PTPRG: variants seen among roughly 807,000 people sequenced by gnomAD.
The protein encoded by PTPRG is receptor-type tyrosine-protein phosphatase gamma.
A neutral mutation model predicts 165.3 loss-of-function variants in PTPRG; 102 were observed. The observed-to-expected ratio is 0.62, with a 90% CI of 0.53 to 0.73. The LOEUF is 0.73. PTPRG is among the 30% of genes least tolerant of loss of function. PTPRG has a pLI of 0.00. For missense variants in PTPRG, 1,866 were observed against 1,861.4 expected (o/e 1.00, Z -0.05); for synonymous variants, 675 against 669.5 (o/e 1.01, Z -0.13).
chr3:62,062,352 A>G (rs1388146733), intron 4 of PTPRG, among the ~76,000 whole-genome samples: 1 of 152,180 alleles, frequency 6.6e-6, no homozygotes, highest in African/African-American at 2.4e-5. Flanking sequence ...CTGTTGTTTG[A>G]TAAAGCAGGT....
Position 62,021,116 on chromosome 3 carries a change from G to T in PTPRG, c.519+17619G>T, listed in dbSNP as rs138001066. Among the ~76,000 whole-genome samples, 121 of 142,710 alleles carry T rather than the reference G, an allele frequency of 8.5e-4. No individual in the cohort carries two copies. The Middle Eastern group carries it at 0.056, about 67-fold the overall frequency. 93.6% of individuals were successfully genotyped at this position (142,710 alleles called of 152,430 possible). A position where few individuals can be genotyped will look rare whatever the true frequency, so the allele number is the denominator to read the frequency against. ...TCATCAGTAAAATGACTTTTAATAC[G>T]AATACCTGCGTGATAAGAGTTTTTG... On this transcript the variant is annotated intron_variant, in intron 4 of 29. Coordinates refer to ENST00000474889, the MANE Select transcript of PTPRG (RefSeq NM_002841.4).
chr3:61,908,411 C>CAAAAAA (rs776421819), intron 2 of PTPRG, among the ~76,000 whole-genome samples: 12 of 57,696 alleles, frequency 2.1e-4, no homozygotes, highest in East Asian at 1.2e-3. Flanking sequence ...GGCAACAGAG[C>CAAAAAA]AAAAAAAAAA....
intron 4 of PTPRG, among the ~76,000 whole-genome samples, chr3:62,043,693 G>GGTTT (rs1321175020): frequency 6.6e-6 from 1 of 152,144 alleles, no homozygotes; most frequent in South Asian, 2.1e-4. Flanking sequence ...GTGAATTTAA[G>GGTTT]GTTTGTTTGT....
In PTPRG at chr3:62,219,937, A is replaced by G. The variant is rs1026684368; in HGVS notation, c.2288+954A>G. ...ATGGTGGTAACTGGATAATGGAGAA[A>G]GCTTAAATCTGGAAAGGGGAGGGGC... is the stretch of plus-strand genomic sequence containing the variant. On this transcript the variant is annotated intron_variant, in intron 13 of 29. Transcript: ENST00000474889. The surrounding 1 kb of genome is among the most constrained non-coding windows in gnomAD (Gnocchi z 4.5). 6.6e-6 allele frequency among the ~76,000 whole-genome samples: 1 copy of G among 152,270 alleles called. No individual in the cohort carries two copies. The highest frequency in any genetic ancestry group is 2.4e-5 in the African/African-American group (1 of 41,468).
rs188821841 is a variant in PTPRG, at chr3:61,930,975, C to T, written c.191-58650C>T. Among the ~76,000 whole-genome samples the T allele has an allele frequency of 3.3e-5, 5 of 152,250 alleles. No homozygotes were observed. In the East Asian group the frequency reaches 9.7e-4, roughly 29 times the overall value. On this transcript the variant is annotated intron_variant, in intron 2 of 29. Coordinates refer to ENST00000474889, the MANE Select transcript of PTPRG (RefSeq NM_002841.4). ...CCAGCTACTCGGGAAGCAGAAGAAT[C>T]ACTTGAACCTGGGAGGCAGAGGTTG... is the stretch of plus-strand genomic sequence containing the variant.
At chr3:61,783,217 A>G (rs976280071) in intron 2 of PTPRG, among the ~76,000 whole-genome samples, 1 of 152,142 alleles carries the variant, frequency 6.6e-6, no homozygotes, top group Non-Finnish European at 1.5e-5. Flanking sequence ...GCATGTGCCT[A>G]TAGTCCTAGC....
At chr3:61,945,218 A>G (rs1400850211) in intron 2 of PTPRG, among the ~76,000 whole-genome samples, 1 of 152,162 alleles carries the variant, frequency 6.6e-6, no homozygotes, top group East Asian at 1.9e-4. Flanking sequence ...GAAATTTTGT[A>G]TGCTTTTGAC....
chr3:61,806,091 A>AT, intron 2 of PTPRG, among the ~76,000 whole-genome samples: 1 of 152,298 alleles, frequency 6.6e-6, no homozygotes, highest in South Asian at 2.1e-4. Context: ...TTTTTGTTGA[A>AT]TTGATAAGCA....
At chr3:61,562,435 C>G in intron 1 of PTPRG, 63 bp downstream of exon 1, 1 of 1,531,870 alleles carries the variant, frequency 6.5e-7, no homozygotes, top group South Asian at 1.1e-5. Context: ...GCGGAGTTGT[C>G]GCCTGGGCGC....
rs182699730 is a variant in PTPRG at position 61,707,385 on chromosome 3, A to T, written c.86-41493A>T. 6.8e-4 allele frequency among the ~76,000 whole-genome samples: 103 copies of T among 152,338 alleles called. 1 individual carries two copies. The highest frequency in any genetic ancestry group is 2.4e-3 in the African/African-American group (100 of 41,580). Reference sequence around the variant, plus strand: ...AAGTTCCAAGATCTGCCTGTTGGCCAGCTGGAGACCCAGGAGAGCCAATGG... The same window carrying T: ...AAGTTCCAAGATCTGCCTGTTGGCCTGCTGGAGACCCAGGAGAGCCAATGG... On this transcript the variant is annotated intron_variant, in intron 1 of 29. Transcript: ENST00000474889.
At chr3:62,205,684 T>C (rs1317293152) in intron 12 of PTPRG, among the ~76,000 whole-genome samples, 1 of 152,020 alleles carries the variant, frequency 6.6e-6, no homozygotes, top group Non-Finnish European at 1.5e-5. Flanking sequence ...TTTGGATCAG[T>C]TGAGGAGCTA....
intron 2 of PTPRG, among the ~76,000 whole-genome samples, chr3:61,855,651 CTTT>C (rs35525843): frequency 1.1e-4 from 13 of 120,312 alleles, no homozygotes; most frequent in Admixed American, 1.7e-4. Flanking sequence ...AAGGGTAGGC[CTTT>C]TTTTTTTTTT....
rs190938241 is a variant in PTPRG, at chr3:61,854,727, C to T, written c.190+105745C>T. Among the ~76,000 whole-genome samples the T allele has an allele frequency of 4.3e-4, 66 of 152,202 alleles. 1 individual carries two copies. The East Asian group carries it at 0.011, about 26-fold the overall frequency. On this transcript the variant is annotated intron_variant, in intron 2 of 29. Transcript: ENST00000474889. ...TCTCATGTGAGTGGGCAATACTTAC[C>T]TGAGGTTTAAACTAGGTATCAGGTA...
chr3:61,634,441 T>C (rs918515226), intron 1 of PTPRG, among the ~76,000 whole-genome samples: 1 of 152,126 alleles, frequency 6.6e-6, no homozygotes, highest in Non-Finnish European at 1.5e-5. Context: ...GGTTTCAGTA[T>C]GTTGGCCAGG....
intron 2 of PTPRG, among the ~76,000 whole-genome samples, chr3:61,847,570 C>T (rs1001191176): frequency 3.9e-5 from 6 of 152,172 alleles, no homozygotes; most frequent in African/African-American, 1.4e-4. Flanking sequence ...TCTTGGACAG[C>T]GAGGACACTG....
chr3:61,574,924 G>C (rs1700141353), intron 1 of PTPRG, among the ~76,000 whole-genome samples: 2 of 152,114 alleles, frequency 1.3e-5, no homozygotes, highest in African/African-American at 4.8e-5. Context: ...GCCAGAATGA[G>C]AACTCAGTCA....
At chr3:62,030,356 C>G (rs879560359) in intron 4 of PTPRG, among the ~76,000 whole-genome samples, 1 of 152,076 alleles carries the variant, frequency 6.6e-6, no homozygotes, top group Non-Finnish European at 1.5e-5. Flanking sequence ...TGAAAACAGT[C>G]TAATTGAAAT....
At chr3:62,121,585 A>G (rs1474767195) in intron 5 of PTPRG, among the ~76,000 whole-genome samples, 1 of 152,154 alleles carries the variant, frequency 6.6e-6, no homozygotes, top group Non-Finnish European at 1.5e-5. Flanking sequence ...GTGTTCACCT[A>G]CAGGGGATCC....
At chr3:61,784,493 A>G (rs1483028796) in intron 2 of PTPRG, among the ~76,000 whole-genome samples, 1 of 152,166 alleles carries the variant, frequency 6.6e-6, no homozygotes, top group Non-Finnish European at 1.5e-5. Flanking sequence ...TATTCCTGGA[A>G]TGAGTACGGA....
Sources: gnomAD v4.1 joint callset for allele counts (sites outside exome capture counted in the v4.1 genomes callset) on GRCh38, gnomAD v4.1.1 for gene constraint, Gnocchi (gnomAD v3.1) non-coding constraint, MANE v1.5 for transcripts, NCBI Gene and HGNC (gene_info 2026-07-23, HGNC 2026-07-21) for gene names.